TTPAL: variants seen among roughly 807,000 people sequenced by gnomAD.
TTPAL encodes alpha tocopherol transfer protein like.
Under a neutral mutation model 28.7 loss-of-function variants are expected in TTPAL, and 21 were observed. That is an observed-to-expected ratio of 0.73 (90% CI 0.52 to 1.06). The LOEUF is 1.06. Ranked by LOEUF, TTPAL falls within the 50% of genes least tolerant of loss-of-function variation. TTPAL has a pLI of 0.00. For missense variants in TTPAL, 345 were observed against 425.5 expected, an observed-to-expected ratio of 0.81 and a Z score of 1.67; for synonymous variants, 169 against 171.9, an observed-to-expected ratio of 0.98 and a Z score of 0.13.
chr20:44,484,093 C>T (rs2064130398), intron 2 of TTPAL, among the ~76,000 whole-genome samples: 1 of 152,174 alleles, frequency 6.6e-6, no homozygotes, highest in South Asian at 2.1e-4. Flanking sequence ...CTGTGCCCAG[C>T]CAGAGCTCAT....
intron 1 of TTPAL, among the ~76,000 whole-genome samples, chr20:44,477,056 A>G (rs1202792940): frequency 6.6e-6 from 1 of 152,256 alleles, no homozygotes; most frequent in East Asian, 1.9e-4. Flanking sequence ...AAATTAGAAG[A>G]GGAAATTCCA....
chr20:44,482,989 C>G (rs529486753), intron 2 of TTPAL, among the ~76,000 whole-genome samples: 1 of 152,230 alleles, frequency 6.6e-6, no homozygotes, highest in East Asian at 1.9e-4. Context: ...TCCCAAGTAG[C>G]TGAGACTACA....
chr20:44,477,417 C>T (rs958845808), intron 1 of TTPAL, among the ~76,000 whole-genome samples: 1 of 152,132 alleles, frequency 6.6e-6, no homozygotes, highest in Non-Finnish European at 1.5e-5. Flanking sequence ...ATGTTGCTCA[C>T]AAATTGCCAA....
At position 44,480,415 on chromosome 20, in the gene TTPAL, G is replaced by A; in HGVS notation, c.416G>A (p.Arg139Lys). 2 of 1,608,830 alleles carry A rather than the reference G, an allele frequency of 1.2e-6. No individual in the cohort carries two copies. Among genetic ancestry groups the A allele is most frequent in the South Asian group, 2.2e-5 (2 of 90,850 alleles). ...ACCGTGCTGCCCCACACTGACCCCA[G>A]GGGCTGCCATGTCGTCTGCATCCGC... ...FLTVLPHTDP[R>K]GCHVVCIRPD... The change falls in exon 2 of 5, where the codon AGG becomes AAG. Residue 139 changes from arginine (R) to lysine (K), a missense_variant. Arg to Lys is a conservative substitution (Grantham distance 26). Transcript: ENST00000262605. The surrounding 1 kb of genome is among the most constrained non-coding windows in gnomAD (Gnocchi z 4.1).
At chr20:44,476,563 A>AC (rs1235529083) in intron 1 of TTPAL, among the ~76,000 whole-genome samples, 1 of 152,210 alleles carries the variant, frequency 6.6e-6, no homozygotes, top group Non-Finnish European at 1.5e-5. Flanking sequence ...GTGGCAGTGG[A>AC]CATGGCAGAC....
At chr20:44,477,235 A>G (rs2064052248) in intron 1 of TTPAL, among the ~76,000 whole-genome samples, 1 of 152,216 alleles carries the variant, frequency 6.6e-6, no homozygotes, top group South Asian at 2.1e-4. Flanking sequence ...ATGGGATTGC[A>G]GGCATCTCTT....
At chr20:44,487,635 CT>C (rs2064164517) in intron 4 of TTPAL, among the ~76,000 whole-genome samples, 2 of 152,288 alleles carry the variant, frequency 1.3e-5, no homozygotes, top group South Asian at 4.1e-4. Flanking sequence ...AGCACTTTGT[CT>C]TCCTTTCTGA....
chr20:44,483,651 G>A (rs2064126382), intron 2 of TTPAL, among the ~76,000 whole-genome samples: 1 of 152,160 alleles, frequency 6.6e-6, no homozygotes, highest in South Asian at 2.1e-4. Context: ...CATGATGGCA[G>A]AAAGCACAGA....
intron 1 of TTPAL, among the ~76,000 whole-genome samples, chr20:44,479,374 A>G: frequency 1.1e-5 from 1 of 89,200 alleles, no homozygotes. Context: ...GAGTACGTTT[A>G]TTTTTGCCAA....
At chr20:44,486,522 A>C (rs1043959873) in intron 3 of TTPAL, 74 bp from the exon 4 acceptor site, 1 of 906,000 alleles carries the variant, frequency 1.1e-6, no homozygotes. Flanking sequence ...GCTGAAAGTG[A>C]AGATTTAACT....
At chr20:44,485,272 CTG>C (rs1259014266) in intron 3 of TTPAL, among the ~76,000 whole-genome samples, 3 of 152,130 alleles carry the variant, frequency 2.0e-5, no homozygotes, top group Non-Finnish European at 2.9e-5. Flanking sequence ...ACATGAGTCA[CTG>C]GGGACTGTGG....
At chr20:44,476,120 G>C (rs929382640) in intron 1 of TTPAL, 129 bp downstream of exon 1, 1 of 152,284 alleles carries the variant, frequency 6.6e-6, no homozygotes, top group African/African-American at 2.4e-5. Flanking sequence ...TGGGGAGGGG[G>C]TGACAGCCGG....
rs2064186932 is a variant in TTPAL at position 44,489,642 on chromosome 20, A to G, written c.*101A>G. 4.7e-6 allele frequency: 6 copies of G among 1,290,246 alleles called. No homozygotes were observed. In the Admixed American group the frequency reaches 1.1e-4, roughly 23 times the overall value. The allele number at this position is 1,290,246 out of a possible 1,614,324, so 79.9% of individuals were successfully genotyped here. On this transcript the variant is annotated 3_prime_UTR_variant, in exon 5 of 5. Coordinates refer to ENST00000262605, the MANE Select transcript of TTPAL (RefSeq NM_001039199.3). ...CATGGATTCAGTCTTGCTCCTTGTA[A>G]TTAAACTGCAGGATGGAGGAACAGC...
rs925422560 is a variant in TTPAL, at chr20:44,493,150, G to T, written c.*3609G>T. ...ATACAAAAAATTGGCTGGGCATGGT[G>T]GTGGGTGCCTGTAATCCCAGCTACT... On this transcript the variant is annotated 3_prime_UTR_variant, in exon 5 of 5. Transcript: ENST00000262605. 6.6e-5 allele frequency: 10 copies of T among 152,184 alleles called. No homozygotes were observed. Among genetic ancestry groups the T allele is most frequent in the African/African-American group, 2.4e-4 (10 of 41,420 alleles). 9.4% of individuals were successfully genotyped at this position (152,184 alleles called of 1,614,324 possible).
rs749860840 is a variant in TTPAL, at chr20:44,491,075, C to CAAAAA, written c.*1554_*1558dup. On this transcript the variant is annotated 3_prime_UTR_variant, in exon 5 of 5. Coordinates refer to ENST00000262605, the MANE Select transcript of TTPAL (RefSeq NM_001039199.3). Reference sequence around the variant, plus strand: ...TGGGCGACAGAGCAAGACTCTGCCTCAAAAAAAAAAAAAAAAAAAAAAAAT... The same window carrying CAAAAA: ...TGGGCGACAGAGCAAGACTCTGCCTCAAAAAAAAAAAAAAAAAAAAAAAAAAAAAT... 16 of 56,020 alleles carry CAAAAA rather than the reference C, an allele frequency of 2.9e-4. No homozygotes were observed. Among genetic ancestry groups the CAAAAA allele is most frequent in the South Asian group, 6.2e-4 (1 of 1,608 alleles). The allele number at this position is 56,020 out of a possible 1,614,324, so 3.5% of individuals were successfully genotyped here. A position where few individuals can be genotyped will look rare whatever the true frequency, so the allele number is the denominator to read the frequency against.
chr20:44,481,863 T>A (rs2064108404), intron 2 of TTPAL, among the ~76,000 whole-genome samples: 1 of 152,184 alleles, frequency 6.6e-6, no homozygotes, highest in Non-Finnish European at 1.5e-5. Flanking sequence ...GCAGTGCAGA[T>A]TTTAGGGCGC....
chr20:44,494,392 ACT>A lies in TTPAL; in HGVS notation c.*4852_*4853del, dbSNP rs571311598. On this transcript the variant is annotated 3_prime_UTR_variant, in exon 5 of 5. Coordinates refer to ENST00000262605, the MANE Select transcript of TTPAL (RefSeq NM_001039199.3). The stretch of plus-strand genomic sequence containing the variant: ...GCTAATTCTCTGACCAGCTTGGGGC[ACT>A]GTTTCAGCCACTGGTCACATTCCTT... 2.5e-3 allele frequency: 386 copies of A among 152,840 alleles called. 1 individual carries two copies. Among genetic ancestry groups the A allele is most frequent in the Non-Finnish European group, 4.3e-3 (291 of 68,028 alleles). 9.5% of individuals were successfully genotyped at this position (152,840 alleles called of 1,614,324 possible). A position where few individuals can be genotyped will look rare whatever the true frequency, so the allele number is the denominator to read the frequency against.
At chr20:44,484,733 G>A (rs2064136803) in intron 3 of TTPAL, among the ~76,000 whole-genome samples, 1 of 152,188 alleles carries the variant, frequency 6.6e-6, no homozygotes, top group South Asian at 2.1e-4. Flanking sequence ...TCTGGAGTAG[G>A]TACTTCAGTA....
chr20:44,494,531 A>T lies in TTPAL; in HGVS notation c.*4990A>T, dbSNP rs1390333700. On this transcript the variant is annotated 3_prime_UTR_variant, in exon 5 of 5. Coordinates refer to ENST00000262605, the MANE Select transcript of TTPAL (RefSeq NM_001039199.3). Reference sequence around the variant, plus strand: ...TTTTTCTAGTGCATTTTCTAAGTCAAAGTGGTGAAAATATGTAATAATTTT... The same window carrying T: ...TTTTTCTAGTGCATTTTCTAAGTCATAGTGGTGAAAATATGTAATAATTTT... 1 of 148,264 alleles carries T rather than the reference A, an allele frequency of 6.7e-6. No homozygotes were observed. The highest frequency in any genetic ancestry group is 2.6e-5 in the African/African-American group (1 of 38,198). The allele number at this position is 148,264 out of a possible 1,614,324, so 9.2% of individuals were successfully genotyped here.
Sources: gnomAD v4.1 joint callset for allele counts (sites outside exome capture counted in the v4.1 genomes callset) on GRCh38, gnomAD v4.1.1 for gene constraint, Gnocchi (gnomAD v3.1) non-coding constraint, MANE v1.5 for transcripts, NCBI Gene and HGNC (gene_info 2026-07-23, HGNC 2026-07-21) for gene names.